Variants in RGS6 observed in about 807,000 individuals in gnomAD.
RGS6 encodes the protein regulator of G-protein signaling 6.
A neutral mutation model predicts 78.5 loss-of-function variants in RGS6; 30 were observed. That is an observed-to-expected ratio of 0.38 (90% CI 0.29 to 0.52). RGS6 has a LOEUF of 0.52. Ranked by LOEUF, RGS6 falls within the 20% of genes least tolerant of loss-of-function variation. The pLI, the probability that RGS6 is intolerant of heterozygous loss-of-function variation, is 0.85. For missense variants in RGS6, 495 were observed against 609.7 expected (o/e 0.81, Z 1.98); for synonymous variants, 206 against 206.0 (o/e 1.00, Z 0.00).
intron 13 of RGS6, among the ~76,000 whole-genome samples, chr14:72,506,522 T>C (rs940843389): frequency 7.9e-5 from 12 of 152,214 alleles, no homozygotes; most frequent in Non-Finnish European, 1.8e-4. Context: ...GTGGATGATA[T>C]TGGGAATACT....
At chr14:72,295,107 C>T (rs991792760) in intron 2 of RGS6, among the ~76,000 whole-genome samples, 21 of 151,726 alleles carry the variant, frequency 1.4e-4, no homozygotes, top group East Asian at 5.8e-4. Context: ...CCGGCTAAAA[C>T]GGTGAAACCC....
chr14:72,313,102 G>C (rs968565496), intron 2 of RGS6, among the ~76,000 whole-genome samples: 1 of 152,184 alleles, frequency 6.6e-6, no homozygotes, highest in Non-Finnish European at 1.5e-5. Context: ...ATTGATTCCA[G>C]GTAACTGTCA....
chr14:71,992,023 T>TC (rs528191949), intron 2 of RGS6, among the ~76,000 whole-genome samples: 1 of 80 alleles, frequency 0.013, no homozygotes, highest in African/African-American at 0.05. Context: ...CTAGAATATC[T>TC]TTTTTTTTTT....
At chr14:72,336,612 T>C (rs897840818) in intron 2 of RGS6, among the ~76,000 whole-genome samples, 7 of 152,050 alleles carry the variant, frequency 4.6e-5, no homozygotes, top group African/African-American at 1.7e-4. Context: ...TAGTTTTCAT[T>C]ACATGTTAAG....
chr14:72,480,158 T>G (rs190028420), intron 12 of RGS6, among the ~76,000 whole-genome samples: 4 of 152,306 alleles, frequency 2.6e-5, no homozygotes, highest in Admixed American at 2.6e-4. Flanking sequence ...AATCTTCAAG[T>G]GGACTGATCT....
At chr14:72,348,125 T>C (rs1436446595) in intron 2 of RGS6, among the ~76,000 whole-genome samples, 2 of 152,084 alleles carry the variant, frequency 1.3e-5, no homozygotes, top group Admixed American at 1.3e-4. Context: ...CTCTGAACAT[T>C]ACCTTCCAGG....
chr14:72,026,840 G>A (rs900145906), intron 2 of RGS6, among the ~76,000 whole-genome samples: 3 of 152,216 alleles, frequency 2.0e-5, no homozygotes, highest in African/African-American at 7.2e-5. Flanking sequence ...CAGTATGTAT[G>A]TAGTGTATGG....
At chr14:72,283,838 T>G (rs1281867512) in intron 2 of RGS6, among the ~76,000 whole-genome samples, 1 of 152,004 alleles carries the variant, frequency 6.6e-6, no homozygotes, top group Admixed American at 6.6e-5. Flanking sequence ...GACAGGAAAA[T>G]GTGGGAAAGT....
the RGS6 span, among the ~76,000 whole-genome samples, chr14:71,867,720 C>A: frequency 1.3e-5 from 2 of 152,134 alleles, no homozygotes; most frequent in African/African-American, 4.8e-5. Context: ...CAAAAACCAT[C>A]CCTTCACACA....
chr14:72,168,281 G>T (rs2096957239), intron 2 of RGS6, among the ~76,000 whole-genome samples: 1 of 151,920 alleles, frequency 6.6e-6, no homozygotes, highest in Non-Finnish European at 1.5e-5. Flanking sequence ...CAAACAGATG[G>T]TCCCCCACAG....
At chr14:72,445,646 G>A (rs1052521192) in intron 3 of RGS6, among the ~76,000 whole-genome samples, 3 of 152,200 alleles carry the variant, frequency 2.0e-5, no homozygotes, top group Non-Finnish European at 4.4e-5. Flanking sequence ...GAATATACAT[G>A]TGTGGGTGTT....
chr14:71,993,486 A>G (rs1183231991), intron 2 of RGS6, among the ~76,000 whole-genome samples: 1 of 152,154 alleles, frequency 6.6e-6, no homozygotes, highest in African/African-American at 2.4e-5. Flanking sequence ...TTTATTTTAT[A>G]TTATTTCATC....
chr14:72,542,704 G>T (rs974509087), intron 17 of RGS6, among the ~76,000 whole-genome samples: 2 of 152,234 alleles, frequency 1.3e-5, no homozygotes, highest in African/African-American at 4.8e-5. Flanking sequence ...AACTCATTCA[G>T]CTGGAGGCTT....
At chr14:71,903,574 G>C in the RGS6 span, among the ~76,000 whole-genome samples, 2 of 152,224 alleles carry the variant, frequency 1.3e-5, no homozygotes, top group Non-Finnish European at 2.9e-5. Flanking sequence ...TAGTCAGACA[G>C]TCATACCTTG....
At chr14:72,315,373 G>T (rs866716955) in intron 2 of RGS6, among the ~76,000 whole-genome samples, 1 of 152,166 alleles carries the variant, frequency 6.6e-6, no homozygotes, top group Non-Finnish European at 1.5e-5. Context: ...CTTTTTTGTT[G>T]TGTTTTCTTT....
At chr14:71,940,750 A>G (rs2090398473) in intron 1 of RGS6, among the ~76,000 whole-genome samples, 2 of 152,218 alleles carry the variant, frequency 1.3e-5, no homozygotes, top group Admixed American at 1.3e-4. Flanking sequence ...AGAGAATGGC[A>G]ATTACAGGGC....
At chr14:72,320,815 TTCA>T (rs894182336) in intron 2 of RGS6, among the ~76,000 whole-genome samples, 3 of 150,928 alleles carry the variant, frequency 2.0e-5, no homozygotes, top group African/African-American at 7.3e-5. Flanking sequence ...TGTAGATTCA[TTCA>T]TCATCTCATT....
intron 2 of RGS6, among the ~76,000 whole-genome samples, chr14:72,173,915 TG>T (rs1390650755): frequency 6.6e-6 from 1 of 152,164 alleles, no homozygotes; most frequent in Non-Finnish European, 1.5e-5. Context: ...CCAGGCCACC[TG>T]TAAAGAGGAT....
At chr14:72,541,332 T>G in intron 17 of RGS6, 1 of 1,340,762 alleles carries the variant, frequency 7.5e-7, no homozygotes, top group Non-Finnish European at 1.0e-6. Context: ...GCATTTTAAG[T>G]GCATTTAAAC....
Sources: gnomAD v4.1 joint callset for allele counts (sites outside exome capture counted in the v4.1 genomes callset) on GRCh38, gnomAD v4.1.1 for gene constraint, MANE v1.5 for transcripts, NCBI Gene and HGNC (gene_info 2026-07-23, HGNC 2026-07-21) for gene names.